Variants in ATP11A observed in about 807,000 individuals in gnomAD.
ATP11A encodes phospholipid-transporting ATPase IH.
A neutral mutation model predicts 154.4 loss-of-function variants in ATP11A; 81 were observed. The observed-to-expected ratio is 0.52, with a 90% CI of 0.44 to 0.63. The LOEUF (loss-of-function observed/expected upper bound fraction) is 0.63, where lower values mean the gene tolerates loss of function less well. Among genes scored for constraint, ATP11A ranks in the 30% least tolerant of loss-of-function variants. The pLI, the probability that ATP11A is intolerant of heterozygous loss-of-function variation, is 0.00. For synonymous variants in ATP11A, 623 were observed against 585.9 expected, an observed-to-expected ratio of 1.06 and a Z score of -0.91; for missense variants, 1,316 against 1,474.3, an observed-to-expected ratio of 0.89 and a Z score of 1.76.
chr13:112,799,424 TG>T (rs528759703), intron 2 of ATP11A, among the ~76,000 whole-genome samples: 73 of 151,438 alleles, frequency 4.8e-4, no homozygotes, highest in African/African-American at 1.7e-3. Flanking sequence ...GAGATGGAGG[TG>T]GGGCAGTTCT....
chr13:112,737,226 A>G (rs764279025), intron 1 of ATP11A, among the ~76,000 whole-genome samples: 1 of 152,142 alleles, frequency 6.6e-6, no homozygotes, highest in Non-Finnish European at 1.5e-5. Flanking sequence ...CAGAGGTCAA[A>G]GTGGATGAGA....
At chr13:112,756,251 C>T (rs959933801) in intron 1 of ATP11A, among the ~76,000 whole-genome samples, 4 of 152,198 alleles carry the variant, frequency 2.6e-5, no homozygotes, top group Non-Finnish European at 5.9e-5. Flanking sequence ...GTCTACGATT[C>T]TGGCTGGCTG....
In ATP11A at chr13:112,838,859, G is replaced by A. The variant is rs2079312556; in HGVS notation, c.1705+2608G>A. 6.6e-6 allele frequency among the ~76,000 whole-genome samples: 1 copy of A among 152,214 alleles called. No homozygotes were observed. Among genetic ancestry groups the A allele is most frequent in the South Asian group, 2.1e-4 (1 of 4,836 alleles). On this transcript the variant is annotated intron_variant, in intron 16 of 29. Coordinates refer to ENST00000375645, the MANE Select transcript of ATP11A (RefSeq NM_015205.3). This position sits in a 1 kb window ranked among gnomAD's most constrained non-coding sequence, Gnocchi z 7.3. ...AATTAAGCAAGGTGTTCTGTAAGTA[G>A]TAGTCATCCCCGGAGAGGTTCACTA...
chr13:112,712,511 G>A (rs1374088320), intron 1 of ATP11A, among the ~76,000 whole-genome samples: 1 of 152,194 alleles, frequency 6.6e-6, no homozygotes, highest in Non-Finnish European at 1.5e-5. Context: ...GTGAGGGACA[G>A]CAACCCCGTC....
intron 1 of ATP11A, among the ~76,000 whole-genome samples, chr13:112,779,729 C>T (rs963167618): frequency 6.6e-6 from 1 of 151,924 alleles, no homozygotes; most frequent in African/African-American, 2.4e-5. Context: ...GCCTGGCCAA[C>T]ACACCATTTC....
At chr13:112,767,624 G>A (rs1450879871) in intron 1 of ATP11A, among the ~76,000 whole-genome samples, 1 of 151,246 alleles carries the variant, frequency 6.6e-6, no homozygotes, top group African/African-American at 2.5e-5. Context: ...CACATAATTG[G>A]CTTTTGAAAG....
chr13:112,825,008 T>C (rs956784366), intron 10 of ATP11A, among the ~76,000 whole-genome samples: 2 of 152,166 alleles, frequency 1.3e-5, no homozygotes, highest in Non-Finnish European at 2.9e-5. Flanking sequence ...CCTCCTTTCC[T>C]CCCTCCCTCT....
intron 1 of ATP11A, among the ~76,000 whole-genome samples, chr13:112,713,270 C>T (rs1887974675): frequency 6.6e-6 from 1 of 152,166 alleles, no homozygotes; most frequent in Non-Finnish European, 1.5e-5. Flanking sequence ...TGGTGGGCGC[C>T]TGTAATCCCA....
rs1481140549 is a variant in ATP11A, at chr13:112,785,726, C to G, written c.162+469C>G. Among the ~76,000 whole-genome samples the G allele has an allele frequency of 1.3e-5, 2 of 152,152 alleles. No homozygotes were observed. Among genetic ancestry groups the G allele is most frequent in the Non-Finnish European group, 2.9e-5 (2 of 68,034 alleles). On this transcript the variant is annotated intron_variant, in intron 2 of 29. Coordinates refer to ENST00000375645, the MANE Select transcript of ATP11A (RefSeq NM_015205.3). This position sits in a 1 kb window ranked among gnomAD's most constrained non-coding sequence, Gnocchi z 4.8. ...CTTTGAGCTTGTTCACGAGGTGCAG[C>G]CCAGGTAAAGCGTAGGAAGCACAAG...
intron 4 of ATP11A, 75 bp from the exon 5 acceptor site, chr13:112,810,544 T>C: frequency 8.0e-7 from 1 of 1,253,584 alleles, no homozygotes; most frequent in South Asian, 1.2e-5. Context: ...ACACAAGCCT[T>C]CTGTCTCTCC....
intron 1 of ATP11A, among the ~76,000 whole-genome samples, chr13:112,768,457 G>A (rs977112151): frequency 1.3e-5 from 2 of 152,334 alleles, no homozygotes; most frequent in Admixed American, 6.5e-5. Flanking sequence ...CAGCTGAGCC[G>A]CCCTGGTGTC....
At chr13:112,867,027 C>T (rs1422195781) in intron 25 of ATP11A, among the ~76,000 whole-genome samples, 1 of 146,530 alleles carries the variant, frequency 6.8e-6, no homozygotes, top group African/African-American at 2.6e-5. Flanking sequence ...GATTTTCTTC[C>T]GAGTTGGGCT....
At chr13:112,805,189 G>T in intron 3 of ATP11A, 143 bp downstream of exon 3, 97 of 556,642 alleles carry the variant, frequency 1.7e-4, no homozygotes, top group Non-Finnish European at 2.0e-4. Flanking sequence ...TTTTCTTAAG[G>T]AAGGGCAAAA....
In ATP11A at chr13:112,785,250, C is replaced by A; in HGVS notation, c.155C>A (p.Ser52Ter). 1 of 1,519,272 alleles carries A rather than the reference C, an allele frequency of 6.6e-7. No homozygotes were observed. The highest frequency in any genetic ancestry group is 1.3e-5 in the South Asian group (1 of 77,532). 94.1% of individuals were successfully genotyped at this position (1,519,272 alleles called of 1,614,324 possible). Residue 52 changes from serine to a stop codon, truncating the protein, a stop_gained, in exon 2 of 30, where the codon TCG becomes TAG. Transcript: ENST00000375645. LOFTEE classifies it high-confidence loss of function. The surrounding 1 kb of genome is among the most constrained non-coding windows in gnomAD (Gnocchi z 4.8). The part of the protein sequence containing the change: ...PQRYPDNRIV[S>*]SKYTFWNFIP... ...AGATACCCAGACAACAGGATCGTCT[C>A]GTCCAAGGTAACTTGGCTTGGGTCT...
At chr13:112,816,584 G>A (rs983239161) in intron 6 of ATP11A, among the ~76,000 whole-genome samples, 2 of 152,028 alleles carry the variant, frequency 1.3e-5, no homozygotes, top group Non-Finnish European at 2.9e-5. Flanking sequence ...GCAAAACCCT[G>A]AGCCCAGCAC....
At chr13:112,870,927 G>T (rs1174382002) in intron 25 of ATP11A, among the ~76,000 whole-genome samples, 1 of 152,168 alleles carries the variant, frequency 6.6e-6, no homozygotes, top group African/African-American at 2.4e-5. Flanking sequence ...TCACGGGTGT[G>T]TCTGTGTCTG....
chr13:112,708,360 C>T (rs1045257440), intron 1 of ATP11A, among the ~76,000 whole-genome samples: 4 of 151,962 alleles, frequency 2.6e-5, no homozygotes, highest in Non-Finnish European at 4.4e-5. Context: ...ATTCACGGTC[C>T]GAAACCGTAA....
intron 1 of ATP11A, among the ~76,000 whole-genome samples, chr13:112,773,643 T>C (rs1390143978): frequency 6.6e-6 from 1 of 152,206 alleles, no homozygotes; most frequent in African/African-American, 2.4e-5. Context: ...AAACAGCTTT[T>C]TCCTGTGCTC....
chr13:112,813,370 T>C (rs1386558706), intron 5 of ATP11A, among the ~76,000 whole-genome samples: 1 of 152,224 alleles, frequency 6.6e-6, no homozygotes, highest in Non-Finnish European at 1.5e-5. Context: ...TCCTGCAGCC[T>C]GTGACCTTTT....
Sources: gnomAD v4.1 joint callset for allele counts (sites outside exome capture counted in the v4.1 genomes callset) on GRCh38, gnomAD v4.1.1 for gene constraint, Gnocchi (gnomAD v3.1) non-coding constraint, MANE v1.5 for transcripts, NCBI Gene and HGNC (gene_info 2026-07-23, HGNC 2026-07-21) for gene names.